The following WDTC1 variants were observed in gnomAD, a reference collection of about 807,000 sequenced individuals.
The protein encoded by WDTC1 is WD and tetratricopeptide repeats 1, also known as WD and tetratricopeptide repeats protein 1.
In WDTC1, 12 loss-of-function variants were observed where a neutral mutation model predicts 76.0. That is an observed-to-expected ratio of 0.16 (90% confidence interval 0.10 to 0.26). WDTC1 has a LOEUF of 0.26. WDTC1 is among the 10% of genes least tolerant of loss of function. The pLI is 1.00. For synonymous variants in WDTC1, 326 were observed against 350.8 expected, an observed-to-expected ratio of 0.93 and a Z score of 0.79; for missense variants, 511 against 908.8, an observed-to-expected ratio of 0.56 and a Z score of 5.63.
At chr1:27,304,525 T>C (rs2013907301) in intron 14 of WDTC1, 1 of 154,696 alleles carries the variant, frequency 6.5e-6, no homozygotes, top group Non-Finnish European at 1.4e-5. Context: ...GGAGGACCAG[T>C]TAAGGCCACA....
chr1:27,275,862 C>A (rs1570964452), intron 3 of WDTC1, among the ~76,000 whole-genome samples: 1 of 152,150 alleles, frequency 6.6e-6, no homozygotes, highest in Non-Finnish European at 1.5e-5. Context: ...TTCATCACCC[C>A]AAAAAGGAAC....
intron 3 of WDTC1, among the ~76,000 whole-genome samples, chr1:27,281,326 C>T (rs143548453): frequency 0.013 from 1,927 of 151,554 alleles, 22 homozygotes; most frequent in East Asian, 0.024. Flanking sequence ...TGTTGGCGGG[C>T]GCCTGTAGTC....
rs1226186028 is a variant in WDTC1 at position 27,301,860 on chromosome 1, A to T, written c.1468+399A>T. Among the ~76,000 whole-genome samples the T allele has an allele frequency of 6.6e-6, 1 of 152,194 alleles. No homozygotes were observed. Among genetic ancestry groups the T allele is most frequent in the Non-Finnish European group, 1.5e-5 (1 of 68,028 alleles). On this transcript the variant is annotated intron_variant, in intron 13 of 15. Coordinates refer to ENST00000319394, the MANE Select transcript of WDTC1 (RefSeq NM_001276252.2). The surrounding 1 kb of genome is among the most constrained non-coding windows in gnomAD (Gnocchi z 5.8). ...TGGTCATTGTGTTTGTTCCGAGTGT[A>T]CAAGTGCAGCAGAGACAATAGCGCA...
At chr1:27,248,308 G>A (rs1341781397) in intron 1 of WDTC1, among the ~76,000 whole-genome samples, 1 of 152,174 alleles carries the variant, frequency 6.6e-6, no homozygotes, top group East Asian at 1.9e-4. Context: ...AACCTCACCA[G>A]CATCTGTTAT....
intron 2 of WDTC1, among the ~76,000 whole-genome samples, chr1:27,261,926 T>TA (rs200147979): frequency 2.8e-4 from 42 of 151,788 alleles, no homozygotes; most frequent in East Asian, 2.5e-3. Flanking sequence ...ACTAAAGTAC[T>TA]AAAAAAATTT....
In WDTC1 at chr1:27,301,106, C is replaced by T; in HGVS notation, c.1233-120C>T. On this transcript the variant is annotated intron_variant, in intron 12 of 15. Transcript: ENST00000319394. This position sits in a 1 kb window ranked among gnomAD's most constrained non-coding sequence, Gnocchi z 5.8. ...AGGATTCTCTTCGTCCTCAAGTCCC[C>T]TTGCCATGAGATCTGTCAGTGGTGG... 1 of 828,064 alleles carries T rather than the reference C, an allele frequency of 1.2e-6. No individual in the cohort carries two copies. The highest frequency in any genetic ancestry group is 1.9e-6 in the Non-Finnish European group (1 of 518,102). The allele number at this position is 828,064 out of a possible 1,614,324, so 51.3% of individuals were successfully genotyped here.
intron 3 of WDTC1, among the ~76,000 whole-genome samples, chr1:27,281,082 C>T (rs1252580326): frequency 1.3e-5 from 2 of 151,938 alleles, no homozygotes; most frequent in South Asian, 4.1e-4. Context: ...TTGAATTAAG[C>T]TCTGGAAGAT....
Position 27,301,392 on chromosome 1 carries a change from GC to G in WDTC1, c.1402del (p.His468ThrfsTer168). On this transcript the variant is annotated frameshift_variant, in exon 13 of 16. Transcript: ENST00000319394. LOFTEE classifies it high-confidence loss of function. The surrounding 1 kb of genome is among the most constrained non-coding windows in gnomAD (Gnocchi z 5.8). The part of the protein sequence containing the change: ...DDFKGKFPEQ[A>X]HSSACDALGR... ...CTTCAAAGGGAAATTTCCGGAGCAG[GC>G]CCACAGCAGCGCTTGTGATGCATTG... The G allele has an allele frequency of 6.2e-7, 1 of 1,614,120 alleles. No individual in the cohort carries two copies. The highest frequency in any genetic ancestry group is 8.5e-7 in the Non-Finnish European group (1 of 1,180,016).
At position 27,260,956 on chromosome 1, in the gene WDTC1, G is replaced by A. The variant is rs973908387; in HGVS notation, c.-99G>A. The A allele has an allele frequency of 1.5e-6, 2 of 1,329,810 alleles. No individual in the cohort carries two copies. Among genetic ancestry groups the A allele is most frequent in the African/African-American group, 3.0e-5 (2 of 67,594 alleles). The allele number at this position is 1,329,810 out of a possible 1,614,324, so 82.4% of individuals were successfully genotyped here. On this transcript the variant is annotated splice_region_variant and 5_prime_UTR_variant, in exon 2 of 16. Coordinates refer to ENST00000319394, the MANE Select transcript of WDTC1 (RefSeq NM_001276252.2). ...AAGTTTGATGATTTTTTTCCCCCAGGTAATTAAATGTGTATTTTGTGGACC... is the reference window on the plus strand; with the variant it reads ...AAGTTTGATGATTTTTTTCCCCCAGATAATTAAATGTGTATTTTGTGGACC...
chr1:27,239,894 TTTTC>T (rs1208351834), intron 1 of WDTC1, among the ~76,000 whole-genome samples: 1 of 151,346 alleles, frequency 6.6e-6, no homozygotes, highest in African/African-American at 2.4e-5. Context: ...GCTAGATACT[TTTTC>T]TTTCTTTTTT....
rs141580159 is a variant in WDTC1 at position 27,251,536 on chromosome 1, G to C, written c.-99-9420G>C. 3.9e-3 allele frequency among the ~76,000 whole-genome samples: 594 copies of C among 152,074 alleles called. 5 individuals are homozygous for C. Among genetic ancestry groups the C allele is most frequent in the African/African-American group, 0.014 (571 of 41,486 alleles). On this transcript the variant is annotated intron_variant, in intron 1 of 15. Transcript: ENST00000319394. ...ATATCCTAACTTATAGTAGACCTTT[G>C]GGCCGGAGCACAGTGCCTCATGCCT...
At chr1:27,296,148 G>C (rs748465485) in intron 9 of WDTC1, among the ~76,000 whole-genome samples, 178 bp from the exon 10 acceptor site, 1 of 152,138 alleles carries the variant, frequency 6.6e-6, no homozygotes, top group Non-Finnish European at 1.5e-5. Flanking sequence ...CTAGAGCTAG[G>C]AAGATTTTCC....
chr1:27,261,214 A>G, intron 2 of WDTC1, 112 bp downstream of exon 2: 8 of 1,266,164 alleles, frequency 6.3e-6, no homozygotes, highest in Non-Finnish European at 9.0e-6. Context: ...AAAGTCACGT[A>G]GCTAGTTAGT....
rs540196043 is a variant in WDTC1, at chr1:27,234,866, C to T, written c.-185C>T. The T allele has an allele frequency of 3.8e-5, 15 of 396,606 alleles. No individual in the cohort carries two copies. Among genetic ancestry groups the T allele is most frequent in the South Asian group, 1.3e-4 (1 of 7,840 alleles). 24.6% of individuals were successfully genotyped at this position (396,606 alleles called of 1,614,324 possible). On this transcript the variant is annotated 5_prime_UTR_variant, in exon 1 of 16. Coordinates refer to ENST00000319394, the MANE Select transcript of WDTC1 (RefSeq NM_001276252.2). ...GCCCCCTCCCCGGGATCCGCGCCCC[C>T]CTTCCCGGGAGAGGGGCCGCCCCCC...
intron 1 of WDTC1, chr1:27,255,696 G>A (rs2012254150): frequency 6.6e-6 from 1 of 152,324 alleles, no homozygotes; most frequent in Non-Finnish European, 1.5e-5. Context: ...AGCCTCCTTA[G>A]TAGCTGGGAT....
At chr1:27,302,004 C>T (rs546264413) in intron 13 of WDTC1, among the ~76,000 whole-genome samples, 4 of 152,288 alleles carry the variant, frequency 2.6e-5, no homozygotes, top group East Asian at 1.9e-4. Context: ...ACAAAGAGCA[C>T]GAAGCCCTGC....
intron 6 of WDTC1, among the ~76,000 whole-genome samples, chr1:27,289,882 G>A (rs996434999): frequency 2.0e-5 from 3 of 152,238 alleles, no homozygotes; most frequent in Admixed American, 2.0e-4. Context: ...GCACTCGGCA[G>A]GCTGAGGCAG....
intron 3 of WDTC1, among the ~76,000 whole-genome samples, chr1:27,279,562 G>A (rs540079818): frequency 6.6e-6 from 1 of 151,980 alleles, no homozygotes; most frequent in Non-Finnish European, 1.5e-5. Context: ...TGTTTCTTGG[G>A]ATTTTTTTGT....
At position 27,283,377 on chromosome 1, in the gene WDTC1, G is replaced by C; in HGVS notation, c.219G>C (p.Val73=). ...GTTCCGATGACCAGCACACGATTGT[G>C]TGGGACCCGCTGCACCACAAGAAGC... ...ASGSDDQHTI[V]WDPLHHKKLL... Residue 73 remains valine, a synonymous_variant, in exon 5 of 16, where the codon GTG becomes GTC. Coordinates refer to ENST00000319394, the MANE Select transcript of WDTC1 (RefSeq NM_001276252.2). 1 of 1,613,778 alleles carries C rather than the reference G, an allele frequency of 6.2e-7. No individual in the cohort carries two copies. Among genetic ancestry groups the C allele is most frequent in the Non-Finnish European group, 8.5e-7 (1 of 1,180,014 alleles).
Sources: gnomAD v4.1 joint callset for allele counts (sites outside exome capture counted in the v4.1 genomes callset) on GRCh38, gnomAD v4.1.1 for gene constraint, Gnocchi (gnomAD v3.1) non-coding constraint, MANE v1.5 for transcripts, NCBI Gene and HGNC (gene_info 2026-07-23, HGNC 2026-07-21) for gene names.